The following C1QTNF3 variants were observed in gnomAD, a reference collection of about 807,000 sequenced individuals.
C1QTNF3 encodes the protein complement C1q tumor necrosis factor-related protein 3.
C1QTNF3 carries 26 observed loss-of-function variants against 32.6 expected under a neutral mutation model. That is an observed-to-expected ratio of 0.80 (90% CI 0.58 to 1.11). C1QTNF3 has a LOEUF of 1.11. Among genes scored for constraint, C1QTNF3 ranks in the 50% least tolerant of loss-of-function variants. The pLI is 0.00. For synonymous variants in C1QTNF3, 155 were observed against 146.0 expected (o/e 1.06, Z -0.44); for missense variants, 362 against 398.2 (o/e 0.91, Z 0.77).
chr5:34,224,388 C>T, the C1QTNF3 span, among the ~76,000 whole-genome samples: 1 of 152,196 alleles, frequency 6.6e-6, no homozygotes, highest in South Asian at 2.1e-4. Flanking sequence ...ATCACGCTAC[C>T]TGACTTCAAA....
chr5:34,065,168 C>A, the C1QTNF3 span, among the ~76,000 whole-genome samples: 1 of 152,246 alleles, frequency 6.6e-6, no homozygotes, highest in African/African-American at 2.4e-5. Flanking sequence ...TATCTAGAAT[C>A]TGTAAGGAAT....
At chr5:34,131,578 T>C in the C1QTNF3 span, among the ~76,000 whole-genome samples, 5,541 of 152,156 alleles carry the variant, frequency 0.036, 176 homozygotes, top group African/African-American at 0.083. Context: ...TAAAAAAAAG[T>C]TGATCTCAGA....
chr5:34,129,582 T>C, the C1QTNF3 span, among the ~76,000 whole-genome samples: 2 of 152,156 alleles, frequency 1.3e-5, no homozygotes, highest in Non-Finnish European at 2.9e-5. Context: ...CCTATAAATG[T>C]AAGTGATTAT....
chr5:34,120,595 G>C, the C1QTNF3 span, among the ~76,000 whole-genome samples: 1 of 152,144 alleles, frequency 6.6e-6, no homozygotes, highest in African/African-American at 2.4e-5. Flanking sequence ...GGAGGTAATT[G>C]AATCATAGGG....
At chr5:34,159,102 G>A in the C1QTNF3 span, among the ~76,000 whole-genome samples, 1 of 151,746 alleles carries the variant, frequency 6.6e-6, no homozygotes, top group Admixed American at 6.6e-5. Context: ...AATTTTTGTA[G>A]GTTTGATTTT....
the C1QTNF3 span, chr5:34,168,967 T>A: frequency 6.6e-6 from 1 of 152,164 alleles, no homozygotes; most frequent in African/African-American, 2.4e-5. Flanking sequence ...GGCATCCTCA[T>A]AAATGAATTA....
chr5:34,127,618 C>T, the C1QTNF3 span, among the ~76,000 whole-genome samples: 5 of 148,388 alleles, frequency 3.4e-5, no homozygotes, highest in Non-Finnish European at 5.9e-5. Context: ...GACGGAGTCT[C>T]GCTCTGTCAC....
chr5:34,201,765 T>TA, the C1QTNF3 span, among the ~76,000 whole-genome samples: 13 of 152,276 alleles, frequency 8.5e-5, no homozygotes, highest in East Asian at 9.6e-4. Context: ...AATAAGGAAA[T>TA]AAAAACCGCA....
the C1QTNF3 span, among the ~76,000 whole-genome samples, chr5:34,071,958 C>T: frequency 6.6e-6 from 1 of 151,766 alleles, no homozygotes; most frequent in Non-Finnish European, 1.5e-5. Context: ...AGATTCTCTA[C>T]TTTCCATTGC....
At chr5:34,132,437 A>ATG in the C1QTNF3 span, among the ~76,000 whole-genome samples, 6 of 8,322 alleles carry the variant, frequency 7.2e-4, no homozygotes, top group African/African-American at 1.3e-3. Flanking sequence ...ATGTGTATGT[A>ATG]TATATATATA....
chr5:34,166,914 T>G, the C1QTNF3 span: 1 of 152,076 alleles, frequency 6.6e-6, no homozygotes, highest in African/African-American at 2.4e-5. Context: ...ATAATGAACA[T>G]CAACTATCCT....
the C1QTNF3 span, among the ~76,000 whole-genome samples, chr5:34,159,011 T>C: frequency 1.3e-5 from 2 of 152,116 alleles, no homozygotes; most frequent in African/African-American, 4.8e-5. Context: ...ACATAGTGTA[T>C]AAATAATAAT....
chr5:34,220,540 C>A, the C1QTNF3 span, among the ~76,000 whole-genome samples: 5 of 151,932 alleles, frequency 3.3e-5, no homozygotes, highest in Non-Finnish European at 7.4e-5. Flanking sequence ...CAAGCACACA[C>A]ACACACACGA....
At chr5:34,219,892 A>C in the C1QTNF3 span, 1 of 152,242 alleles carries the variant, frequency 6.6e-6, no homozygotes, top group South Asian at 2.1e-4. Flanking sequence ...AACAAGAAGG[A>C]ACTAATTGAC....
upstream of C1QTNF3, among the ~76,000 whole-genome samples, chr5:34,046,520 A>T (rs1280327623): frequency 6.6e-6 from 1 of 152,176 alleles, no homozygotes; most frequent in Non-Finnish European, 1.5e-5. Context: ...CAAGCCAAGG[A>T]ATACCAAAGA....
the C1QTNF3 span, among the ~76,000 whole-genome samples, chr5:34,159,103 G>A: frequency 6.6e-6 from 1 of 151,826 alleles, no homozygotes; most frequent in Non-Finnish European, 1.5e-5. Context: ...ATTTTTGTAG[G>A]TTTGATTTTA....
chr5:34,130,834 GCTCT>G, the C1QTNF3 span, among the ~76,000 whole-genome samples: 1 of 152,178 alleles, frequency 6.6e-6, no homozygotes. Flanking sequence ...CAGGGCACTG[GCTCT>G]CTCTATGTCC....
chr5:34,142,625 T>C, the C1QTNF3 span, among the ~76,000 whole-genome samples: 5 of 152,218 alleles, frequency 3.3e-5, no homozygotes, highest in African/African-American at 9.6e-5. Context: ...CTGTCATTAC[T>C]CTTACGTGTC....
the C1QTNF3 span, among the ~76,000 whole-genome samples, chr5:34,232,627 A>G: frequency 1.8e-4 from 28 of 151,620 alleles, 1 homozygote; most frequent in East Asian, 5.1e-3. Flanking sequence ...TCCTGGTGCC[A>G]TGTCAAGAAG....
Sources: allele counts gnomAD v4.1 joint callset (sites outside exome capture counted in the v4.1 genomes callset), GRCh38; gene constraint gnomAD v4.1.1; transcripts MANE v1.5; gene names NCBI Gene and HGNC (gene_info 2026-07-23, HGNC 2026-07-21).